The following NALF1 variants were observed in gnomAD, a reference collection of about 807,000 sequenced individuals.
NALF1 encodes the protein family with sequence similarity 155 member A.
Under a neutral mutation model 48.4 loss-of-function variants are expected in NALF1, and 3 were observed. The observed-to-expected ratio is 0.06, with a 90% CI of 0.03 to 0.16. NALF1 has a LOEUF of 0.16. NALF1 is among the 10% of genes least tolerant of loss of function. The pLI is 1.00. For missense variants in NALF1, 526 were observed against 571.5 expected (o/e 0.92, Z 0.81); for synonymous variants, 262 against 245.7 (o/e 1.07, Z -0.62).
intron 1 of NALF1, among the ~76,000 whole-genome samples, chr13:107,271,774 C>CTATGTA (rs1555329776): frequency 7.2e-5 from 2 of 27,630 alleles, no homozygotes; most frequent in African/African-American, 1.9e-4. Context: ...TGCTACTGGA[C>CTATGTA]TATATATATA....
Position 107,690,812 on chromosome 13 carries a change from C to T in NALF1, c.915+174870G>A, listed in dbSNP as rs114060230. ...TTTCATTATTCCTGCTATAAACGCT[C>T]GTGCAGAGTTTCTAACAGTCATGGA... On this transcript the variant is annotated intron_variant, in intron 1 of 2. Coordinates refer to ENST00000375915, the MANE Select transcript of NALF1 (RefSeq NM_001080396.3). 5.6e-3 allele frequency among the ~76,000 whole-genome samples: 848 copies of T among 152,210 alleles called. 10 individuals carry two copies. The highest frequency in any genetic ancestry group is 0.019 in the African/African-American group (782 of 41,520).
intron 1 of NALF1, among the ~76,000 whole-genome samples, chr13:107,360,930 T>A (rs1240085894): frequency 2.6e-5 from 4 of 152,116 alleles, no homozygotes; most frequent in Non-Finnish European, 5.9e-5. Flanking sequence ...TCTTGTAGAG[T>A]TTCCTACAAT....
intron 1 of NALF1, among the ~76,000 whole-genome samples, chr13:107,261,564 G>A (rs986045237): frequency 6.6e-6 from 1 of 152,122 alleles, no homozygotes; most frequent in African/African-American, 2.4e-5. Context: ...GTAAATCTCC[G>A]AACTACTGCT....
intron 1 of NALF1, among the ~76,000 whole-genome samples, chr13:107,852,297 T>C (rs140855672): frequency 6.6e-6 from 1 of 152,336 alleles, no homozygotes; most frequent in African/African-American, 2.4e-5. Context: ...CTTTTTAAAC[T>C]AGGTGCACTG....
intron 1 of NALF1, among the ~76,000 whole-genome samples, chr13:107,700,020 G>T (rs1364869440): frequency 1.3e-5 from 2 of 151,810 alleles, no homozygotes; most frequent in African/African-American, 4.8e-5. Flanking sequence ...AAAGAAATAG[G>T]AAGCTATCCC....
intron 1 of NALF1, among the ~76,000 whole-genome samples, chr13:107,410,029 G>T (rs545218747): frequency 6.6e-6 from 1 of 152,308 alleles, no homozygotes; most frequent in South Asian, 2.1e-4. Context: ...GCTAGAAAAG[G>T]ATGGTGAACC....
intron 1 of NALF1, among the ~76,000 whole-genome samples, chr13:107,600,780 T>C (rs1346185283): frequency 2.0e-5 from 3 of 152,208 alleles, no homozygotes; most frequent in Admixed American, 1.3e-4. Context: ...ATGATTGCTA[T>C]ATCATTAGTA....
chr13:107,472,973 A>C (rs917251572), intron 1 of NALF1, among the ~76,000 whole-genome samples: 1 of 152,046 alleles, frequency 6.6e-6, no homozygotes, highest in Non-Finnish European at 1.5e-5. Flanking sequence ...TTCCTTTTCA[A>C]CCTGGAATTT....
intron 1 of NALF1, among the ~76,000 whole-genome samples, chr13:107,807,032 C>A (rs566965156): frequency 4.6e-5 from 7 of 152,196 alleles, no homozygotes; most frequent in South Asian, 4.1e-4. Context: ...CGCCAGTAGA[C>A]ACTTATTAAA....
chr13:107,847,043 T>C (rs1051440171), intron 1 of NALF1, among the ~76,000 whole-genome samples: 6 of 152,008 alleles, frequency 3.9e-5, no homozygotes, highest in Non-Finnish European at 7.4e-5. Flanking sequence ...TTTCTTAAAT[T>C]AAAAAAAATT....
intron 1 of NALF1, among the ~76,000 whole-genome samples, chr13:107,816,361 G>C (rs1167485047): frequency 6.6e-6 from 1 of 152,176 alleles, no homozygotes; most frequent in Non-Finnish European, 1.5e-5. Context: ...AGGTCCACGT[G>C]GCTGGGGAGG....
chr13:107,773,679 T>C (rs1480620274), intron 1 of NALF1, among the ~76,000 whole-genome samples: 1 of 125,758 alleles, frequency 8.0e-6, no homozygotes, highest in African/African-American at 3.1e-5. Flanking sequence ...AATTGAACAA[T>C]GAGAACACAT....
intron 1 of NALF1, among the ~76,000 whole-genome samples, chr13:107,434,213 A>G (rs1884427620): frequency 6.6e-6 from 1 of 152,186 alleles, no homozygotes; most frequent in South Asian, 2.1e-4. Context: ...TTGTGTTAAA[A>G]TGCAAAGAAA....
intron 1 of NALF1, among the ~76,000 whole-genome samples, chr13:107,326,040 G>A (rs1253773826): frequency 4.7e-5 from 7 of 148,838 alleles, no homozygotes; most frequent in East Asian, 2.0e-4. Flanking sequence ...TCATCAAATC[G>A]TTTCATTAGC....
At chr13:107,424,466 G>A (rs578001083) in intron 1 of NALF1, among the ~76,000 whole-genome samples, 4 of 152,256 alleles carry the variant, frequency 2.6e-5, no homozygotes, top group East Asian at 3.9e-4. Flanking sequence ...CAATGTAAAC[G>A]TGATGGGGGA....
At chr13:107,804,926 T>C (rs1878729388) in intron 1 of NALF1, among the ~76,000 whole-genome samples, 1 of 152,200 alleles carries the variant, frequency 6.6e-6, no homozygotes, top group Non-Finnish European at 1.5e-5. Flanking sequence ...CTGTGCCTTA[T>C]ATATTTAATC....
intron 1 of NALF1, among the ~76,000 whole-genome samples, chr13:107,229,283 A>G (rs116120164): frequency 6.6e-6 from 1 of 152,240 alleles, no homozygotes; most frequent in South Asian, 2.1e-4. Context: ...ATCTACAATC[A>G]ATACCAATCA....
At chr13:107,221,834 T>C (rs1301686655) in intron 1 of NALF1, among the ~76,000 whole-genome samples, 1 of 152,212 alleles carries the variant, frequency 6.6e-6, no homozygotes, top group Non-Finnish European at 1.5e-5. Flanking sequence ...ATACCAGTTA[T>C]GCAGAGGTAA....
At chr13:107,807,381 C>CA (rs1447513181) in intron 1 of NALF1, among the ~76,000 whole-genome samples, 12 of 152,112 alleles carry the variant, frequency 7.9e-5, no homozygotes, top group African/African-American at 2.4e-4. Context: ...AAAGGCTTAA[C>CA]ACTTCAAATA....
Sources: allele counts gnomAD v4.1 joint callset (sites outside exome capture counted in the v4.1 genomes callset), GRCh38; gene constraint gnomAD v4.1.1; transcripts MANE v1.5; gene names NCBI Gene and HGNC (gene_info 2026-07-23, HGNC 2026-07-21).